MYLK: variants seen among roughly 807,000 people sequenced by gnomAD.
The protein encoded by MYLK is myosin light chain kinase, smooth muscle.
MYLK carries 106 observed loss-of-function variants against 203.4 expected under a neutral mutation model. That is an observed-to-expected ratio of 0.52 (90% CI 0.45 to 0.61). The LOEUF (loss-of-function observed/expected upper bound fraction) is 0.61. Ranked by LOEUF, MYLK falls within the 20% of genes least tolerant of loss-of-function variation. The pLI is 0.00. For missense variants in MYLK, 2,072 were observed against 2,442.3 expected, an observed-to-expected ratio of 0.85 and a Z score of 3.20; for synonymous variants, 867 against 959.5, an observed-to-expected ratio of 0.90 and a Z score of 1.78.
In MYLK at chr3:123,731,544, A is replaced by G. The variant is rs536898759; in HGVS notation, c.1516+1352T>C. On this transcript the variant is annotated intron_variant, in intron 11 of 33. Transcript: ENST00000360304. ...ATTCTACTATATGGATACATCACTA[A>G]CTCTTTTTTTCTTTTGGAAATGTGC... 2.0e-5 allele frequency among the ~76,000 whole-genome samples: 3 copies of G among 152,320 alleles called. No individual in the cohort carries two copies. The East Asian group carries it at 5.8e-4, about 29-fold the overall frequency.
chr3:123,708,982 A>T, intron 14 of MYLK, 87 bp from the exon 15 acceptor site: 2 of 1,124,190 alleles, frequency 1.8e-6, no homozygotes, highest in East Asian at 4.8e-5. Flanking sequence ...GTGATATTGG[A>T]TGAAACACTC....
rs146874490 is a variant in MYLK, at chr3:123,640,172, C to T, written c.4837+115G>A. ...GGGGCAGGATTCAAACCTGGGAAGT[C>T]TTCATGGTCTCGGATTTAACCCCAA... On this transcript the variant is annotated intron_variant, in intron 28 of 33. Transcript: ENST00000360304. This position sits in a 1 kb window ranked among gnomAD's most constrained non-coding sequence, Gnocchi z 4.3. 4 of 990,966 alleles carry T rather than the reference C, an allele frequency of 4.0e-6. No individual in the cohort carries two copies. In the African/African-American group the frequency reaches 4.8e-5, roughly 12 times the overall value. The allele number at this position is 990,966 out of a possible 1,614,324, so 61.4% of individuals were successfully genotyped here. A position where few individuals can be genotyped will look rare whatever the true frequency, so the allele number is the denominator to read the frequency against.
intron 12 of MYLK, among the ~76,000 whole-genome samples, chr3:123,724,139 CTTTTTTTTT>C (rs5852359): frequency 8.4e-4 from 68 of 80,866 alleles, no homozygotes; most frequent in South Asian, 2.9e-3. Context: ...CTAAGTTTTG[CTTTTTTTTT>C]TTTTTTTTTT....
In MYLK at chr3:123,650,478, T is replaced by TGAGTGA. The variant is rs1280285019; in HGVS notation, c.4289-1285_4289-1284insTCACTC. On this transcript the variant is annotated intron_variant, in intron 24 of 33. Coordinates refer to ENST00000360304, the MANE Select transcript of MYLK (RefSeq NM_053025.4). ...GAGTGTGAGTGCGGGTGTACCGGTG[T>TGAGTGA]GAGTGTGAGTGTGAGTGTGTTTAGA... is the stretch of plus-strand genomic sequence containing the variant. 1.8e-4 allele frequency among the ~76,000 whole-genome samples: 28 copies of TGAGTGA among 151,762 alleles called. 1 individual carries two copies. Among genetic ancestry groups the TGAGTGA allele is most frequent in the African/African-American group, 6.0e-4 (25 of 41,352 alleles).
Position 123,629,788 on chromosome 3 carries a change from G to T in MYLK, c.4962-162C>A. 1 of 714,134 alleles carries T rather than the reference G, an allele frequency of 1.4e-6. No homozygotes were observed. The highest frequency in any genetic ancestry group is 2.7e-5 in the East Asian group (1 of 36,722). 44.2% of individuals were successfully genotyped at this position (714,134 alleles called of 1,614,324 possible). A position where few individuals can be genotyped will look rare whatever the true frequency, so the allele number is the denominator to read the frequency against. On this transcript the variant is annotated intron_variant, in intron 29 of 33. Transcript: ENST00000360304. The surrounding 1 kb of genome is among the most constrained non-coding windows in gnomAD (Gnocchi z 4.4). The stretch of plus-strand genomic sequence containing the variant: ...CTTTCTTCCACTTGTGGAAAGAAAA[G>T]AGGGTGTGGTTCACAGCCCTGTCTT...
In MYLK at chr3:123,702,536, G is replaced by A. The variant is rs948571179; in HGVS notation, c.2391-1027C>T. On this transcript the variant is annotated intron_variant, in intron 16 of 33. Transcript: ENST00000360304. Reference sequence around the variant, plus strand: ...CTCTGACAACAGTGCTCCCACTCATGCCCCTGGATGTGGCCGTCTCACTAG... The same window carrying A: ...CTCTGACAACAGTGCTCCCACTCATACCCCTGGATGTGGCCGTCTCACTAG... 1.8e-4 allele frequency among the ~76,000 whole-genome samples: 28 copies of A among 152,222 alleles called. 1 individual carries two copies. Among genetic ancestry groups the A allele is most frequent in the African/African-American group, 6.8e-4 (28 of 41,462 alleles).
intron 8 of MYLK, 152 bp downstream of exon 8, chr3:123,737,223 GAAA>G: frequency 1.4e-4 from 84 of 617,504 alleles, no homozygotes; most frequent in Non-Finnish European, 1.8e-4. Context: ...TGTCTGAAGA[GAAA>G]AAAAAAAAAA....
At chr3:123,739,116 T>C in intron 6 of MYLK, 54 bp from the exon 7 acceptor site, 1 of 1,591,138 alleles carries the variant, frequency 6.3e-7, no homozygotes, top group Non-Finnish European at 8.6e-7. Context: ...AATTCAACCA[T>C]CCTCTCTCCA....
intron 2 of MYLK, among the ~76,000 whole-genome samples, chr3:123,856,306 G>A (rs941215320): frequency 7.2e-5 from 11 of 152,238 alleles, no homozygotes; most frequent in Middle Eastern, 3.4e-3. Context: ...CAACCCTCTC[G>A]TTTGTGCATA....
chr3:123,729,881 CAAA>C (rs113098146), intron 11 of MYLK, among the ~76,000 whole-genome samples: 4 of 98,726 alleles, frequency 4.1e-5, no homozygotes, highest in Admixed American at 1.0e-4. Context: ...GACCCTGTTT[CAAA>C]AAAAAAAAAA....
At chr3:123,753,429 T>A (rs2063266054) in intron 4 of MYLK, among the ~76,000 whole-genome samples, 1 of 151,594 alleles carries the variant, frequency 6.6e-6, no homozygotes, top group African/African-American at 2.4e-5. Context: ...ATTTGCTGAG[T>A]GCTAAGGGTT....
At chr3:123,662,514 G>C (rs893431144) in intron 23 of MYLK, among the ~76,000 whole-genome samples, 2 of 152,148 alleles carry the variant, frequency 1.3e-5, no homozygotes, top group African/African-American at 2.4e-5. Context: ...AGAGAATAGA[G>C]TCGAGGAATC....
chr3:123,620,394 T>C, intron 31 of MYLK, 58 bp from the exon 32 acceptor site: 1 of 1,611,798 alleles, frequency 6.2e-7, no homozygotes, highest in Non-Finnish European at 8.5e-7. Flanking sequence ...AGCTGGGTAG[T>C]GCGAGGGGCT....
At chr3:123,745,420 C>T (rs2108845741) in intron 5 of MYLK, among the ~76,000 whole-genome samples, 1 of 152,234 alleles carries the variant, frequency 6.6e-6, no homozygotes, top group South Asian at 2.1e-4. Flanking sequence ...GAATATTAAA[C>T]TTGGTATTGA....
intron 20 of MYLK, chr3:123,681,445 G>A (rs938182348): frequency 6.5e-6 from 1 of 152,696 alleles, no homozygotes; most frequent in Non-Finnish European, 1.5e-5. Context: ...GGGAGGATGA[G>A]ACCCAGACAC....
At chr3:123,729,763 C>T (rs1395669031) in intron 11 of MYLK, among the ~76,000 whole-genome samples, 1 of 151,384 alleles carries the variant, frequency 6.6e-6, no homozygotes, top group Admixed American at 6.6e-5. Flanking sequence ...TGCCTGTGGT[C>T]CCAGCTACCC....
chr3:123,882,959 C>T (rs2033635217), intron 1 of MYLK, among the ~76,000 whole-genome samples: 2 of 152,264 alleles, frequency 1.3e-5, no homozygotes, highest in South Asian at 4.2e-4. Flanking sequence ...TATTAGAACC[C>T]TAAATGCCTT....
chr3:123,868,392 A>G (rs1260028601), intron 2 of MYLK, among the ~76,000 whole-genome samples: 1 of 152,242 alleles, frequency 6.6e-6, no homozygotes, highest in Admixed American at 6.5e-5. Flanking sequence ...TTAAAAACTG[A>G]AAACATTAAT....
At position 123,610,711 on chromosome 3, in the gene MYLK, T is replaced by G. The variant is rs2057229566; in HGVS notation, c.*3394A>C. 6.6e-6 allele frequency: 1 copy of G among 152,220 alleles called. No individual in the cohort carries two copies. The highest frequency in any genetic ancestry group is 1.9e-4 in the East Asian group (1 of 5,208). 9.4% of individuals were successfully genotyped at this position (152,220 alleles called of 1,614,324 possible). The stretch of plus-strand genomic sequence containing the variant: ...TAAAGAGAGTAGTGCTACTTGTGTT[T>G]TCTTGAAAAATGGAGAATTGGGTTT... On this transcript the variant is annotated 3_prime_UTR_variant, in exon 34 of 34. Coordinates refer to ENST00000360304, the MANE Select transcript of MYLK (RefSeq NM_053025.4).
Sources: allele counts gnomAD v4.1 joint callset (sites outside exome capture counted in the v4.1 genomes callset), GRCh38; gene constraint gnomAD v4.1.1; non-coding constraint Gnocchi (gnomAD v3.1); transcripts MANE v1.5; gene names NCBI Gene and HGNC (gene_info 2026-07-23, HGNC 2026-07-21).